GRB2: variants seen among roughly 807,000 people sequenced by gnomAD.
The protein encoded by GRB2 is growth factor receptor-bound protein 2.
Under a neutral mutation model 27.4 loss-of-function variants are expected in GRB2, and 2 were observed. The ratio of observed to expected loss-of-function variants is 0.07; its 90% confidence interval spans 0.03 to 0.23. GRB2 has a LOEUF of 0.23. Among genes scored for constraint, GRB2 ranks in the 10% least tolerant of loss-of-function variants. The pLI, the probability that GRB2 is intolerant of heterozygous loss-of-function variation, is 1.00. For missense variants in GRB2, 102 were observed against 282.4 expected (o/e 0.36, Z 4.58); for synonymous variants, 94 against 99.6 (o/e 0.94, Z 0.33).
At chr17:75,383,939 C>G (rs933151835) in intron 2 of GRB2, among the ~76,000 whole-genome samples, 1 of 152,140 alleles carries the variant, frequency 6.6e-6, no homozygotes, top group Admixed American at 6.6e-5. Flanking sequence ...AACTATTGTT[C>G]CCATTTTACA....
intron 2 of GRB2, among the ~76,000 whole-genome samples, chr17:75,347,222 C>T (rs2078661103): frequency 6.6e-6 from 1 of 152,074 alleles, no homozygotes; most frequent in African/African-American, 2.4e-5. Flanking sequence ...CTCACAGGGG[C>T]GGGTCTCCAG....
intron 2 of GRB2, among the ~76,000 whole-genome samples, chr17:75,379,393 G>C (rs1401879526): frequency 1.0e-5 from 1 of 98,650 alleles, no homozygotes; most frequent in East Asian, 3.5e-4. Context: ...GAAGACACTT[G>C]ATTTCTTAAA....
At chr17:75,324,507 GTTTTTTTT>G (rs767194304) in intron 4 of GRB2, among the ~76,000 whole-genome samples, 5,222 of 36,438 alleles carry the variant, frequency 0.14, 190 homozygotes, top group Middle Eastern at 0.22. Context: ...ACCGCACCCA[GTTTTTTTT>G]TTTTTTTTTT....
intron 2 of GRB2, among the ~76,000 whole-genome samples, chr17:75,355,360 C>T (rs1440849139): frequency 6.6e-6 from 1 of 152,094 alleles, no homozygotes; most frequent in African/African-American, 2.4e-5. Flanking sequence ...CTCTGTTCCC[C>T]TTTAAATCAA....
At chr17:75,346,023 TGAC>T in intron 2 of GRB2, among the ~76,000 whole-genome samples, 1 of 152,112 alleles carries the variant, frequency 6.6e-6, no homozygotes, top group East Asian at 1.9e-4. Flanking sequence ...CTCCTCTGGC[TGAC>T]TGTGAGATGA....
At chr17:75,337,392 A>G (rs552681913) in intron 2 of GRB2, among the ~76,000 whole-genome samples, 37 of 151,846 alleles carry the variant, frequency 2.4e-4, no homozygotes, top group South Asian at 8.3e-4. Flanking sequence ...TTAAAAAAAA[A>G]AAAGAAAGAA....
At chr17:75,363,212 T>C (rs915755705) in intron 2 of GRB2, among the ~76,000 whole-genome samples, 4 of 152,146 alleles carry the variant, frequency 2.6e-5, no homozygotes, top group Non-Finnish European at 4.4e-5. Context: ...TTCTCAAAGA[T>C]AGGGTAGCAC....
At chr17:75,402,381 A>T (rs2079069504) in intron 1 of GRB2, among the ~76,000 whole-genome samples, 1 of 152,258 alleles carries the variant, frequency 6.6e-6, no homozygotes, top group Admixed American at 6.5e-5. Context: ...TCCACATCAC[A>T]GTATTAAGAA....
intron 2 of GRB2, among the ~76,000 whole-genome samples, chr17:75,350,728 G>A (rs1166113788): frequency 5.3e-5 from 8 of 152,096 alleles, no homozygotes; most frequent in African/African-American, 1.9e-4. Context: ...TCCTGACCTC[G>A]TGATCCGCCC....
At chr17:75,399,754 C>T (rs1238438928) in intron 1 of GRB2, among the ~76,000 whole-genome samples, 1 of 151,784 alleles carries the variant, frequency 6.6e-6, no homozygotes, top group Non-Finnish European at 1.5e-5. Flanking sequence ...GCTGCAAGCT[C>T]CGTCTCCCAG....
chr17:75,371,491 C>A (rs1470235955), intron 2 of GRB2: 1 of 152,052 alleles, frequency 6.6e-6, no homozygotes, highest in East Asian at 1.9e-4. Context: ...GCCTCCAACA[C>A]ATTAAACTAT....
chr17:75,341,462 A>AC (rs1267570012), intron 2 of GRB2, among the ~76,000 whole-genome samples: 4 of 151,214 alleles, frequency 2.6e-5, no homozygotes, highest in Non-Finnish European at 4.4e-5. Context: ...AAAAAAAAAA[A>AC]AAAAAAACAC....
At chr17:75,361,620 C>CA (rs2078782274) in intron 2 of GRB2, among the ~76,000 whole-genome samples, 3 of 152,108 alleles carry the variant, frequency 2.0e-5, no homozygotes, top group Admixed American at 2.0e-4. Flanking sequence ...TACTCATACA[C>CA]AGAGTCTGAG....
At chr17:75,376,853 C>CA (rs1463431428) in intron 2 of GRB2, among the ~76,000 whole-genome samples, 3 of 151,064 alleles carry the variant, frequency 2.0e-5, no homozygotes, top group African/African-American at 7.3e-5. Flanking sequence ...CAAAACAAAA[C>CA]AAACAAACAA....
At chr17:75,337,216 G>A (rs2078583278) in intron 2 of GRB2, among the ~76,000 whole-genome samples, 1 of 152,182 alleles carries the variant, frequency 6.6e-6, no homozygotes, top group South Asian at 2.1e-4. Flanking sequence ...GATGAACAAT[G>A]CAGCTGCAAC....
intron 2 of GRB2, among the ~76,000 whole-genome samples, chr17:75,338,427 G>A (rs1567860151): frequency 6.6e-6 from 1 of 152,142 alleles, no homozygotes; most frequent in Non-Finnish European, 1.5e-5. Context: ...CCATCACTGT[G>A]TCTTCACTTG....
chr17:75,362,039 A>T (rs924129314), intron 2 of GRB2, among the ~76,000 whole-genome samples: 7 of 152,150 alleles, frequency 4.6e-5, no homozygotes, highest in Non-Finnish European at 7.3e-5. Flanking sequence ...AACCACATAC[A>T]TTGTGCCATA....
chr17:75,382,541 T>G (rs2078935760), intron 2 of GRB2, among the ~76,000 whole-genome samples: 1 of 152,210 alleles, frequency 6.6e-6, no homozygotes, highest in Admixed American at 6.5e-5. Flanking sequence ...CAAAAAAGTT[T>G]CAGATTTCAG....
chr17:75,401,381 C>T (rs1254405401), intron 1 of GRB2, among the ~76,000 whole-genome samples: 2 of 141,872 alleles, frequency 1.4e-5, no homozygotes, highest in East Asian at 4.2e-4. Flanking sequence ...GGAAGCGGAG[C>T]TTGCAGTGAG....
Sources: allele counts gnomAD v4.1 joint callset (sites outside exome capture counted in the v4.1 genomes callset), GRCh38; gene constraint gnomAD v4.1.1; transcripts MANE v1.5; gene names NCBI Gene and HGNC (gene_info 2026-07-23, HGNC 2026-07-21).